The following P3H3 variants were observed in gnomAD, a reference collection of about 807,000 sequenced individuals.
P3H3 encodes gene rich cluster, B.
P3H3 carries 64 observed loss-of-function variants against 78.1 expected under a neutral mutation model. That is an observed-to-expected ratio of 0.82 (90% CI 0.67 to 1.01). The LOEUF is 1.01. Among genes scored for constraint, P3H3 ranks in the 50% least tolerant of loss-of-function variants. The pLI is 0.00. For missense variants in P3H3, 975 were observed against 982.2 expected (o/e 0.99, Z 0.10); for synonymous variants, 425 against 416.7 (o/e 1.02, Z -0.24).
At chr12:6,830,805 A>T in intron 4 of P3H3, 35 bp downstream of exon 4, 1 of 1,613,250 alleles carries the variant, frequency 6.2e-7, no homozygotes, top group Non-Finnish European at 8.5e-7. Context: ...GGGAGTGAAG[A>T]TTTGCCTCTG....
At chr12:6,830,299 C>A in intron 2 of P3H3, 54 bp from the exon 3 acceptor site, 1 of 1,526,860 alleles carries the variant, frequency 6.5e-7, no homozygotes. Flanking sequence ...CTCTCTACCT[C>A]CCAGTTTGGC....
At chr12:6,834,096 C>G in intron 9 of P3H3, 47 bp downstream of exon 9, 1 of 1,608,828 alleles carries the variant, frequency 6.2e-7, no homozygotes. Context: ...CTCTTGGATA[C>G]AATCACCTGT....
At chr12:6,836,887 T>G (rs1374418615) in intron 9 of P3H3, 98 bp from the exon 10 acceptor site, 2 of 807,808 alleles carry the variant, frequency 2.5e-6, no homozygotes, top group Non-Finnish European at 4.0e-6. Flanking sequence ...GCATCTAGCT[T>G]CTTCTGGAGA....
chr12:6,838,173 C>A, intron 13 of P3H3, 140 bp downstream of exon 13: 1 of 1,106,286 alleles, frequency 9.0e-7, no homozygotes, highest in Non-Finnish European at 1.3e-6. Flanking sequence ...CGCAGCCCTC[C>A]CGCTGCTTCC....
At position 6,839,768 on chromosome 12, in the gene P3H3, T is replaced by C; in HGVS notation, c.*307T>C. On this transcript the variant is annotated 3_prime_UTR_variant, in exon 15 of 15. Coordinates refer to ENST00000290510, the MANE Select transcript of P3H3 (RefSeq NM_014262.5). ...CAGGGGAGGAGGCTGATGCTTTAAA[T>C]GAAGAGGATGGTGGGGTTGGGAGGT... 1 of 368,796 alleles carries C rather than the reference T, an allele frequency of 2.7e-6. No individual in the cohort carries two copies. The highest frequency in any genetic ancestry group is 5.0e-6 in the Non-Finnish European group (1 of 198,276). The allele number at this position is 368,796 out of a possible 1,614,324, so 22.8% of individuals were successfully genotyped here.
Position 6,834,021 on chromosome 12 carries a change from A to T in P3H3, c.1430A>T (p.Glu477Val), listed in dbSNP as rs782182583. 9 of 1,613,548 alleles carry T rather than the reference A, an allele frequency of 5.6e-6. No individual in the cohort carries two copies. The East Asian group carries it at 2.0e-4, about 36-fold the overall frequency. The change falls in exon 9 of 15, where the codon GAG (glutamate) becomes GTG (valine). Residue 477 changes from glutamate to valine, a missense_variant. Transcript: ENST00000290510. ...TTGGATGGGCTGCTCACCCCAGCCG[A>T]GTGTGGGGTGCTGCTGCAGCTGGCT... ...AVLDGLLTPA[E>V]CGVLLQLAKD...
rs1943426691 is a variant in P3H3, at chr12:6,829,758, C to T, written c.499-101C>T. The T allele has an allele frequency of 3.0e-6, 4 of 1,325,086 alleles. No homozygotes were observed. The South Asian group carries it at 4.8e-5, about 16-fold the overall frequency. The allele number at this position is 1,325,086 out of a possible 1,614,324, so 82.1% of individuals were successfully genotyped here. A position where few individuals can be genotyped will look rare whatever the true frequency, so the allele number is the denominator to read the frequency against. Reference sequence around the variant, plus strand: ...CAGTCTTCCATGAGGCTCTGGGGCACCCAGAGTGTGTGTCTGGGGTAGGGT... The same window carrying T: ...CAGTCTTCCATGAGGCTCTGGGGCATCCAGAGTGTGTGTCTGGGGTAGGGT... On this transcript the variant is annotated intron_variant, in intron 1 of 14. Transcript: ENST00000290510. This position sits in a 1 kb window ranked among gnomAD's most constrained non-coding sequence, Gnocchi z 5.1.
In P3H3 at chr12:6,828,774, C is replaced by A. The variant is rs1344712765; in HGVS notation, c.334C>A (p.Arg112=). The change falls in exon 1 of 15, where the codon CGA becomes AGA. Residue 112 remains arginine (R), a synonymous_variant. Coordinates refer to ENST00000290510, the MANE Select transcript of P3H3 (RefSeq NM_014262.5). ...GPGPTQGSWE[R]QLLRAALRRA... is the part of the protein sequence containing the mutation. ...GGGACCCACGCAGGGGTCCTGGGAG[C>A]GACAGCTTCTCCGTGCAGCGCTCCG... 6.2e-5 allele frequency: 77 copies of A among 1,242,322 alleles called. No individual in the cohort carries two copies. The highest frequency in any genetic ancestry group is 7.4e-5 in the Non-Finnish European group (73 of 993,130). The allele number at this position is 1,242,322 out of a possible 1,614,324, so 77.0% of individuals were successfully genotyped here. A position where few individuals can be genotyped will look rare whatever the true frequency, so the allele number is the denominator to read the frequency against.
Position 6,837,937 on chromosome 12 carries a change from C to A in P3H3, c.1830-21C>A. 3 of 1,598,372 alleles carry A rather than the reference C, an allele frequency of 1.9e-6. No homozygotes were observed. The South Asian group carries it at 3.4e-5, about 18-fold the overall frequency. On this transcript the variant is annotated intron_variant, in intron 12 of 14. Coordinates refer to ENST00000290510, the MANE Select transcript of P3H3 (RefSeq NM_014262.5). The stretch of plus-strand genomic sequence containing the variant: ...GGCCTGGGTTGGGGTCTCACTGCCT[C>A]TTGCTTTTTTCCCTCCCCAGCGGAC...
intron 6 of P3H3, 196 bp from the exon 7 acceptor site, chr12:6,833,396 C>T (rs1943467624): frequency 1.7e-6 from 1 of 604,036 alleles, no homozygotes; most frequent in South Asian, 1.9e-5. Context: ...ATAGTAAGTG[C>T]TATATGAGTT....
chr12:6,830,248 G>A (rs1211005701), intron 2 of P3H3, 105 bp from the exon 3 acceptor site: 3 of 1,153,330 alleles, frequency 2.6e-6, no homozygotes, highest in Non-Finnish European at 3.8e-6. Context: ...GGTGAAGAGG[G>A]ACATGGAGTC....
In P3H3 at chr12:6,829,037, C is replaced by A. The variant is rs745747963; in HGVS notation, c.498+99C>A. On this transcript the variant is annotated intron_variant, in intron 1 of 14. Coordinates refer to ENST00000290510, the MANE Select transcript of P3H3 (RefSeq NM_014262.5). This position sits in a 1 kb window ranked among gnomAD's most constrained non-coding sequence, Gnocchi z 5.1. ...AGTAGGCGGAATGCTGTTGCCCGGG[C>A]CCCGCACGGGGCTGGGGAGCGTACC... 23 of 748,334 alleles carry A rather than the reference C, an allele frequency of 3.1e-5. No individual in the cohort carries two copies. Among genetic ancestry groups the A allele is most frequent in the Non-Finnish European group, 4.0e-5 (22 of 546,486 alleles). 46.4% of individuals were successfully genotyped at this position (748,334 alleles called of 1,614,324 possible). A position where few individuals can be genotyped will look rare whatever the true frequency, so the allele number is the denominator to read the frequency against.
rs1463522323 is a variant in P3H3 at position 6,833,737 on chromosome 12, C to T, written c.1266-5C>T. On this transcript the variant is annotated splice_polypyrimidine_tract_variant and splice_region_variant and intron_variant, in intron 7 of 14. Transcript: ENST00000290510. Reference sequence around the variant, plus strand: ...CACCCACTGAGCGCATCTCTCACCCCTGAGAGAGGATCAAGAGAAGAGGCC... The same window carrying T: ...CACCCACTGAGCGCATCTCTCACCCTTGAGAGAGGATCAAGAGAAGAGGCC... The T allele has an allele frequency of 1.9e-6, 3 of 1,600,070 alleles. No homozygotes were observed. Among genetic ancestry groups the T allele is most frequent in the Non-Finnish European group, 2.6e-6 (3 of 1,167,364 alleles).
chr12:6,836,202 A>G (rs1753500939), intron 9 of P3H3, among the ~76,000 whole-genome samples: 1 of 148,580 alleles, frequency 6.7e-6, no homozygotes, highest in Non-Finnish European at 1.5e-5. Flanking sequence ...AGCCTGGGCG[A>G]TAGAGCAAGA....
Position 6,831,901 on chromosome 12 carries a change from G to A in P3H3, c.1199G>A (p.Ser400Asn), listed in dbSNP as rs1555121510. Reference protein sequence around the residue: ...LYYAMEHLGTSFKDPDPWTPA... With the variant: ...LYYAMEHLGTNFKDPDPWTPA... Reference sequence around the variant, plus strand: ...TATGCCATGGAGCACCTGGGGACCAGCTTCAAGGATCCTGTGAGTCACTCC... The same window carrying A: ...TATGCCATGGAGCACCTGGGGACCAACTTCAAGGATCCTGTGAGTCACTCC... The change falls in exon 6 of 15, where the codon AGC (serine) becomes AAC (asparagine). Residue 400 changes from serine (S) to asparagine (N), a missense_variant. Transcript: ENST00000290510. The surrounding 1 kb of genome is among the most constrained non-coding windows in gnomAD (Gnocchi z 4.6). 6 of 1,598,336 alleles carry A rather than the reference G, an allele frequency of 3.8e-6. No homozygotes were observed. The highest frequency in any genetic ancestry group is 5.1e-6 in the Non-Finnish European group (6 of 1,168,424).
chr12:6,831,090 A>AG lies in P3H3; in HGVS notation c.986-121dup, dbSNP rs1943446596. 2.5e-6 allele frequency: 3 copies of AG among 1,194,502 alleles called. No homozygotes were observed. Among genetic ancestry groups the AG allele is most frequent in the Middle Eastern group, 1.9e-4 (1 of 5,286 alleles). The allele number at this position is 1,194,502 out of a possible 1,614,324, so 74.0% of individuals were successfully genotyped here. A position where few individuals can be genotyped will look rare whatever the true frequency, so the allele number is the denominator to read the frequency against. On this transcript the variant is annotated intron_variant, in intron 4 of 14. Transcript: ENST00000290510. The surrounding 1 kb of genome is among the most constrained non-coding windows in gnomAD (Gnocchi z 4.6). ...CAGCTGAACTTGTCTGCCAGTGGGA[A>AG]GGGGGCTCTTGGAGTTAGCTGTCTG... is the stretch of plus-strand genomic sequence containing the variant.
rs1181977045 is a variant in P3H3, at chr12:6,837,434, T to C, written c.1572T>C (p.Ala524=). 3 of 1,610,994 alleles carry C rather than the reference T, an allele frequency of 1.9e-6. No homozygotes were observed. The highest frequency in any genetic ancestry group is 1.7e-6 in the Non-Finnish European group (2 of 1,178,786). ...TTCACTGCCTGCAGCTGGCCCGGGC[T>C]GGGACAGTGGGCAGTCAGGGTGCTA... is the stretch of plus-strand genomic sequence containing the variant. ...TVLKAAQLAR[A]GTVGSQGAKL... Residue 524 remains alanine, a synonymous_variant, in exon 11 of 15, where the codon GCT becomes GCC. Coordinates refer to ENST00000290510, the MANE Select transcript of P3H3 (RefSeq NM_014262.5).
At chr12:6,836,560 C>T (rs962772830) in intron 9 of P3H3, among the ~76,000 whole-genome samples, 1 of 152,110 alleles carries the variant, frequency 6.6e-6, no homozygotes, top group Non-Finnish European at 1.5e-5. Context: ...GTCTCCCTAC[C>T]GCCAGTCTGG....
At chr12:6,837,649 G>A in intron 11 of P3H3, 76 bp downstream of exon 11, 1 of 1,582,074 alleles carries the variant, frequency 6.3e-7, no homozygotes, top group Non-Finnish European at 8.6e-7. Flanking sequence ...AGAGCCCCGG[G>A]GTGGACGTGC....
Sources: gnomAD v4.1 joint callset for allele counts (sites outside exome capture counted in the v4.1 genomes callset) on GRCh38, gnomAD v4.1.1 for gene constraint, Gnocchi (gnomAD v3.1) non-coding constraint, MANE v1.5 for transcripts, NCBI Gene and HGNC (gene_info 2026-07-23, HGNC 2026-07-21) for gene names.